NRG3: variants seen among roughly 807,000 people sequenced by gnomAD.
NRG3 encodes the protein neuregulin 3.
A neutral mutation model predicts 66.9 loss-of-function variants in NRG3; 31 were observed. That is an observed-to-expected ratio of 0.46 (90% confidence interval 0.35 to 0.63). The LOEUF (loss-of-function observed/expected upper bound fraction) is 0.63. Among genes scored for constraint, NRG3 ranks in the 20% least tolerant of loss-of-function variants. The pLI, the probability that NRG3 is intolerant of heterozygous loss-of-function variation, is 0.00. For missense variants in NRG3, 910 were observed against 878.9 expected (o/e 1.04, Z -0.45); for synonymous variants, 393 against 359.4 (o/e 1.09, Z -1.06).
chr10:81,892,761 C>T (rs1002841485), intron 1 of NRG3, among the ~76,000 whole-genome samples: 14 of 152,104 alleles, frequency 9.2e-5, no homozygotes, highest in African/African-American at 2.9e-4. Flanking sequence ...ACTAGCATAA[C>T]AGGGTGACTG....
At chr10:82,144,392 C>A (rs144066353) in intron 1 of NRG3, among the ~76,000 whole-genome samples, 4 of 152,130 alleles carry the variant, frequency 2.6e-5, no homozygotes, top group Non-Finnish European at 4.4e-5. Flanking sequence ...TGTGCTCGCA[C>A]GTCCCAGGAG....
intron 2 of NRG3, among the ~76,000 whole-genome samples, chr10:82,627,318 C>T (rs1346369324): frequency 6.6e-6 from 1 of 152,002 alleles, no homozygotes; most frequent in African/African-American, 2.4e-5. Context: ...CCTCCATGCC[C>T]AGTAGTAATT....
intron 4 of NRG3, among the ~76,000 whole-genome samples, chr10:82,934,961 C>A (rs766395324): frequency 6.6e-6 from 1 of 152,008 alleles, no homozygotes; most frequent in Non-Finnish European, 1.5e-5. Flanking sequence ...ATCCTAGAGG[C>A]CTATTTATAT....
intron 4 of NRG3, among the ~76,000 whole-genome samples, chr10:82,903,325 A>G (rs1338381784): frequency 1.3e-5 from 2 of 152,092 alleles, no homozygotes; most frequent in African/African-American, 4.8e-5. Flanking sequence ...TCTCCAGTAA[A>G]TTGTATATCC....
intron 1 of NRG3, among the ~76,000 whole-genome samples, chr10:81,895,252 G>T (rs887153508): frequency 5.9e-5 from 9 of 152,148 alleles, no homozygotes; most frequent in Non-Finnish European, 1.3e-4. Context: ...TATCCTTCAA[G>T]CATTACAGTT....
At chr10:81,922,907 ACT>A (rs1589466581) in intron 1 of NRG3, among the ~76,000 whole-genome samples, 1 of 151,060 alleles carries the variant, frequency 6.6e-6, no homozygotes, top group Admixed American at 6.6e-5. Context: ...GTATTATAAA[ACT>A]CTGAGTATAT....
intron 2 of NRG3, among the ~76,000 whole-genome samples, chr10:82,703,491 C>T (rs146723031): frequency 6.6e-6 from 1 of 152,110 alleles, no homozygotes; most frequent in Non-Finnish European, 1.5e-5. Context: ...GCAGGAATAA[C>T]ATGTCAGCAC....
At chr10:82,709,351 A>G (rs1456596433) in intron 2 of NRG3, among the ~76,000 whole-genome samples, 3 of 149,472 alleles carry the variant, frequency 2.0e-5, no homozygotes, top group Admixed American at 6.7e-5. Flanking sequence ...TTGTTCCAGC[A>G]GCTGGTTTTT....
chr10:81,943,485 T>A (rs988725530), intron 1 of NRG3, among the ~76,000 whole-genome samples: 1 of 152,214 alleles, frequency 6.6e-6, no homozygotes, highest in Non-Finnish European at 1.5e-5. Context: ...CTCTTCCAAT[T>A]TCCGACTAAA....
chr10:82,155,558 C>T (rs542743216), intron 1 of NRG3, among the ~76,000 whole-genome samples: 1 of 151,538 alleles, frequency 6.6e-6, no homozygotes, highest in Admixed American at 6.6e-5. Flanking sequence ...TAATTACAAA[C>T]ATATCGTAAT....
intron 1 of NRG3, among the ~76,000 whole-genome samples, chr10:82,171,982 A>T (rs1448967644): frequency 6.6e-6 from 1 of 152,068 alleles, no homozygotes; most frequent in African/African-American, 2.4e-5. Flanking sequence ...TTTACATCAG[A>T]ATAAAGGTAA....
At chr10:82,911,460 T>C (rs1337740234) in intron 4 of NRG3, among the ~76,000 whole-genome samples, 1 of 152,042 alleles carries the variant, frequency 6.6e-6, no homozygotes, top group Non-Finnish European at 1.5e-5. Flanking sequence ...GATTATCTAC[T>C]TCTGGTTTTT....
intron 1 of NRG3, among the ~76,000 whole-genome samples, chr10:82,047,847 G>C (rs1220676971): frequency 6.6e-6 from 1 of 152,070 alleles, no homozygotes; most frequent in East Asian, 1.9e-4. Context: ...CTATATTCAG[G>C]AAACCCATCT....
intron 2 of NRG3, among the ~76,000 whole-genome samples, chr10:82,735,568 T>C (rs879914831): frequency 6.6e-6 from 1 of 152,202 alleles, no homozygotes; most frequent in African/African-American, 2.4e-5. Flanking sequence ...CATGGAATAC[T>C]ATGCAGCCAT....
intron 1 of NRG3, among the ~76,000 whole-genome samples, chr10:82,257,868 A>G (rs2077815489): frequency 6.6e-6 from 1 of 152,222 alleles, no homozygotes; most frequent in African/African-American, 2.4e-5. Context: ...TAGTATTAAT[A>G]TGGAATGAAT....
At chr10:82,514,485 A>G (rs1845474154) in intron 2 of NRG3, among the ~76,000 whole-genome samples, 1 of 152,204 alleles carries the variant, frequency 6.6e-6, no homozygotes, top group South Asian at 2.1e-4. Context: ...GTCAAAGATC[A>G]AATCGTTGTA....
chr10:82,783,057 C>T (rs187848592), intron 3 of NRG3, among the ~76,000 whole-genome samples: 132 of 152,214 alleles, frequency 8.7e-4, no homozygotes, highest in African/African-American at 2.4e-3. Flanking sequence ...GTTCAATATA[C>T]GCAAATCAAT....
chr10:82,651,328 A>G (rs150028334), intron 2 of NRG3, among the ~76,000 whole-genome samples: 19 of 152,346 alleles, frequency 1.2e-4, no homozygotes, highest in Non-Finnish European at 2.5e-4. Context: ...AGAGATCTCC[A>G]TATTTCCTAA....
At chr10:82,280,771 C>T (rs2079082455) in intron 1 of NRG3, among the ~76,000 whole-genome samples, 1 of 152,158 alleles carries the variant, frequency 6.6e-6, no homozygotes, top group African/African-American at 2.4e-5. Flanking sequence ...AATTACTTAT[C>T]TCTGTATTAG....
Sources: allele counts gnomAD v4.1 joint callset (sites outside exome capture counted in the v4.1 genomes callset), GRCh38; gene constraint gnomAD v4.1.1; transcripts MANE v1.5; gene names NCBI Gene and HGNC (gene_info 2026-07-23, HGNC 2026-07-21).